Variants in TMEM9 observed in about 807,000 individuals in gnomAD.
TMEM9 encodes the protein transmembrane protein 9, also known as proton-transporting V-type ATPase complex assembly regulator TMEM9.
Under a neutral mutation model 22.8 loss-of-function variants are expected in TMEM9, and 13 were observed. The ratio of observed to expected loss-of-function variants is 0.57; its 90% CI spans 0.37 to 0.91. The LOEUF is 0.91. Among genes scored for constraint, TMEM9 ranks in the 40% least tolerant of loss-of-function variants. The probability of loss-of-function intolerance (pLI) is 0.01; values close to 1 mark genes in which losing one functional copy is unlikely to be tolerated. For missense variants in TMEM9, 182 were observed against 238.1 expected, an observed-to-expected ratio of 0.76 and a Z score of 1.55; for synonymous variants, 88 against 93.0, an observed-to-expected ratio of 0.95 and a Z score of 0.31.
At chr1:201,143,429 T>G (rs1042594711) in intron 4 of TMEM9, among the ~76,000 whole-genome samples, 1 of 152,208 alleles carries the variant, frequency 6.6e-6, no homozygotes, top group Non-Finnish European at 1.5e-5. Flanking sequence ...CAGATGTTTG[T>G]GGAATCACTG....
intron 4 of TMEM9, among the ~76,000 whole-genome samples, chr1:201,137,701 A>G (rs6672399): frequency 0.25 from 38,648 of 152,174 alleles, 5,531 homozygotes; most frequent in East Asian, 0.47. Context: ...TAAATAACAC[A>G]CATATAAAGC....
At chr1:201,155,343 A>T (rs1014582460), upstream of TMEM9, among the ~76,000 whole-genome samples, 1 of 13,140 alleles carries the variant, frequency 7.6e-5, no homozygotes, top group Non-Finnish European at 1.7e-4. Context: ...GGTGGGTGGG[A>T]GGGGTATCAA....
intron 1 of TMEM9, among the ~76,000 whole-genome samples, chr1:201,163,627 T>G (rs769796518): frequency 6.6e-6 from 1 of 151,874 alleles, no homozygotes; most frequent in African/African-American, 2.4e-5. Context: ...TAAAAAATAT[T>G]TTAGAAATAA....
At chr1:201,168,923 C>A (rs1666145518) in intron 1 of TMEM9, among the ~76,000 whole-genome samples, 1 of 150,840 alleles carries the variant, frequency 6.6e-6, no homozygotes, top group Admixed American at 6.6e-5. Context: ...TCCCAAGTAG[C>A]TGGGACTCCA....
chr1:201,164,953 TAGG>T (rs1666035505), intron 1 of TMEM9, among the ~76,000 whole-genome samples: 1 of 151,752 alleles, frequency 6.6e-6, no homozygotes, highest in Non-Finnish European at 1.5e-5. Context: ...GCAGTCTCCC[TAGG>T]GAGGGTGAGA....
At chr1:201,149,140 A>C (rs924208937) in intron 2 of TMEM9, among the ~76,000 whole-genome samples, 5 of 152,238 alleles carry the variant, frequency 3.3e-5, no homozygotes, top group African/African-American at 1.2e-4. Context: ...CTTGCTACCC[A>C]GGGGAACAGC....
At position 201,153,998 on chromosome 1, in the gene TMEM9, G is replaced by A; in HGVS notation, c.-75C>T. The A allele has an allele frequency of 6.6e-7, 1 of 1,524,896 alleles. No homozygotes were observed. Among genetic ancestry groups the A allele is most frequent in the Non-Finnish European group, 8.8e-7 (1 of 1,130,706 alleles). 94.5% of individuals were successfully genotyped at this position (1,524,896 alleles called of 1,614,324 possible). A position where few individuals can be genotyped will look rare whatever the true frequency, so the allele number is the denominator to read the frequency against. On this transcript the variant is annotated 5_prime_UTR_variant, in exon 1 of 5. Transcript: ENST00000367330. ...TACGGAGTCGGAGAAGGGGAAGGTGGCCACACCGCAGCCAGCACGCTAGGC... is the reference window on the plus strand; with the variant it reads ...TACGGAGTCGGAGAAGGGGAAGGTGACCACACCGCAGCCAGCACGCTAGGC...
chr1:201,167,145 G>A (rs889103277), intron 1 of TMEM9, among the ~76,000 whole-genome samples: 8 of 152,084 alleles, frequency 5.3e-5, no homozygotes, highest in African/African-American at 1.4e-4. Flanking sequence ...TACTATAACC[G>A]CCTGATGGGT....
At chr1:201,170,478 T>C (rs1317295250) in intron 1 of TMEM9, among the ~76,000 whole-genome samples, 1 of 152,198 alleles carries the variant, frequency 6.6e-6, no homozygotes. Flanking sequence ...TGCACTCATC[T>C]GGATGCTCAG....
chr1:201,139,744 C>T (rs1023262271), intron 4 of TMEM9, among the ~76,000 whole-genome samples: 5 of 152,212 alleles, frequency 3.3e-5, no homozygotes, highest in East Asian at 1.9e-4. Flanking sequence ...TTCTTAAGGA[C>T]GAGCAAACAC....
At chr1:201,170,435 A>G (rs757909279) in intron 1 of TMEM9, among the ~76,000 whole-genome samples, 1 of 152,198 alleles carries the variant, frequency 6.6e-6, no homozygotes, top group African/African-American at 2.4e-5. Flanking sequence ...AATAATCTTC[A>G]ATCTATTTCA....
chr1:201,154,268 T>G lies in TMEM9; in HGVS notation c.-345A>C. The stretch of plus-strand genomic sequence containing the variant: ...CACCGCCCTCCGCCATCTCCGCCTC[T>G]GCCCGCCCCGCAGCTCCTCCCCGCT... On this transcript the variant is annotated 5_prime_UTR_variant, in exon 1 of 5. Transcript: ENST00000367330. The G allele has an allele frequency of 1.4e-5, 3 of 220,626 alleles. No homozygotes were observed. Among genetic ancestry groups the G allele is most frequent in the Non-Finnish European group, 2.7e-5 (3 of 109,316 alleles). The allele number at this position is 220,626 out of a possible 1,614,324, so 13.7% of individuals were successfully genotyped here.
upstream of TMEM9, among the ~76,000 whole-genome samples, chr1:201,158,209 A>G (rs2102290135): frequency 6.6e-6 from 1 of 152,330 alleles, no homozygotes; most frequent in East Asian, 1.9e-4. Flanking sequence ...TAGAGCTTCT[A>G]GAAGGAATGC....
chr1:201,164,798 C>G (rs1346392409), intron 1 of TMEM9, among the ~76,000 whole-genome samples: 1 of 152,042 alleles, frequency 6.6e-6, no homozygotes, highest in Non-Finnish European at 1.5e-5. Flanking sequence ...ATTGTTGTGG[C>G]TTATGAACAT....
upstream of TMEM9, among the ~76,000 whole-genome samples, chr1:201,157,050 AG>A (rs1665816512): frequency 6.6e-6 from 1 of 152,214 alleles, no homozygotes; most frequent in African/African-American, 2.4e-5. Context: ...AGTGAGGTTA[AG>A]AGTGGAAATT....
intron 1 of TMEM9, among the ~76,000 whole-genome samples, chr1:201,152,983 T>C (rs1344311923): frequency 6.6e-6 from 1 of 152,226 alleles, no homozygotes; most frequent in South Asian, 2.1e-4. Context: ...CCTCCTCATC[T>C]CTAGAGGACC....
chr1:201,148,467 A>G (rs2102263684), intron 2 of TMEM9, among the ~76,000 whole-genome samples: 1 of 152,326 alleles, frequency 6.6e-6, no homozygotes, highest in South Asian at 2.1e-4. Context: ...GCAGAGGTGA[A>G]GCAGGTGTCA....
At chr1:201,171,173 C>CG (rs1242748429) in intron 1 of TMEM9, among the ~76,000 whole-genome samples, 1 of 152,126 alleles carries the variant, frequency 6.6e-6, no homozygotes, top group Non-Finnish European at 1.5e-5. Flanking sequence ...GGAAGGATTG[C>CG]GGGGGGCGGT....
intron 2 of TMEM9, among the ~76,000 whole-genome samples, chr1:201,150,066 G>T (rs1024286989): frequency 1.3e-5 from 2 of 152,250 alleles, no homozygotes; most frequent in Admixed American, 1.3e-4. Context: ...TCCTCTGCAG[G>T]CATCCAACCT....
Sources: gnomAD v4.1 joint callset for allele counts (sites outside exome capture counted in the v4.1 genomes callset) on GRCh38, gnomAD v4.1.1 for gene constraint, MANE v1.5 for transcripts, NCBI Gene and HGNC (gene_info 2026-07-23, HGNC 2026-07-21) for gene names.